The following KLHL12 variants were observed in gnomAD, a reference collection of about 807,000 sequenced individuals.
KLHL12 encodes the protein kelch-like protein 12.
A neutral mutation model predicts 60.8 loss-of-function variants in KLHL12; 17 were observed. That is an observed-to-expected ratio of 0.28 (90% CI 0.19 to 0.42). The LOEUF is 0.42. KLHL12 is among the 10% of genes least tolerant of loss of function. The pLI is 1.00. For missense variants in KLHL12, 468 were observed against 722.3 expected, an observed-to-expected ratio of 0.65 and a Z score of 4.04; for synonymous variants, 220 against 250.9, an observed-to-expected ratio of 0.88 and a Z score of 1.16.
rs1553236587 is a variant in KLHL12, at chr1:202,903,629, C to CTTTTTTCTTTTTT, written c.832+5380_832+5381insAAAAAAGAAAAAA. Among the ~76,000 whole-genome samples the CTTTTTTCTTTTTT allele has an allele frequency of 5.3e-5, 4 of 76,092 alleles. 1 individual carries two copies. Among genetic ancestry groups the CTTTTTTCTTTTTT allele is most frequent in the East Asian group, 8.7e-4 (2 of 2,298 alleles). The allele number at this position is 76,092 out of a possible 152,430, so 49.9% of individuals were successfully genotyped here. A position where few individuals can be genotyped will look rare whatever the true frequency, so the allele number is the denominator to read the frequency against. On this transcript the variant is annotated intron_variant, in intron 6 of 11. Transcript: ENST00000367261. Reference sequence around the variant, plus strand: ...CTGGGACCACTAATTTTTTTCTTTTCTTTTTTTTTTTGAAACGGCGTCTTG... The same window carrying CTTTTTTCTTTTTT: ...CTGGGACCACTAATTTTTTTCTTTTCTTTTTTCTTTTTTTTTTTTTTTTTGAAACGGCGTCTTG...
chr1:202,926,809 A>G (rs948638655), intron 1 of KLHL12, among the ~76,000 whole-genome samples: 4 of 152,190 alleles, frequency 2.6e-5, no homozygotes, highest in Non-Finnish European at 5.9e-5. Flanking sequence ...AAACTCGGGA[A>G]AGACTAAATT....
At position 202,895,457 on chromosome 1, in the gene KLHL12, A is replaced by G; in HGVS notation, c.1135+65T>C. 7.4e-7 allele frequency: 1 copy of G among 1,359,958 alleles called. No individual in the cohort carries two copies. Among genetic ancestry groups the G allele is most frequent in the East Asian group, 2.3e-5 (1 of 43,536 alleles). 84.2% of individuals were successfully genotyped at this position (1,359,958 alleles called of 1,614,324 possible). A position where few individuals can be genotyped will look rare whatever the true frequency, so the allele number is the denominator to read the frequency against. On this transcript the variant is annotated intron_variant, in intron 8 of 11. Coordinates refer to ENST00000367261, the MANE Select transcript of KLHL12 (RefSeq NM_021633.4). This position sits in a 1 kb window ranked among gnomAD's most constrained non-coding sequence, Gnocchi z 4.2. The stretch of plus-strand genomic sequence containing the variant: ...TTTCATGCTCCTGCCAGACAACAGG[A>G]GAGGTTAAAAACCCTGGTCCAGCCA...
chr1:202,926,306 C>A (rs544135222), intron 1 of KLHL12, among the ~76,000 whole-genome samples: 2 of 151,900 alleles, frequency 1.3e-5, no homozygotes, highest in South Asian at 4.2e-4. Flanking sequence ...TGAAATGATC[C>A]GGGGGGAAGG....
upstream of KLHL12, chr1:202,927,352 C>T (rs1653637133): frequency 2.4e-6 from 2 of 846,612 alleles, no homozygotes. Context: ...TACCCTAGCG[C>T]GGGGCTTCTG....
chr1:202,923,640 C>G (rs1653334539), intron 2 of KLHL12, among the ~76,000 whole-genome samples: 1 of 152,186 alleles, frequency 6.6e-6, no homozygotes, highest in African/African-American at 2.4e-5. Context: ...ACCTCTAGCA[C>G]TTACAAGCCA....
chr1:202,892,840 G>T (rs1318198750), intron 11 of KLHL12, among the ~76,000 whole-genome samples, 181 bp from the exon 12 acceptor site: 2 of 152,032 alleles, frequency 1.3e-5, no homozygotes, highest in Non-Finnish European at 2.9e-5. Context: ...AAGAAAGAAA[G>T]AAATTAGCCT....
intron 9 of KLHL12, 141 bp downstream of exon 9, chr1:202,894,450 A>T: frequency 1.1e-6 from 1 of 923,598 alleles, no homozygotes; most frequent in Non-Finnish European, 1.7e-6. Context: ...AGATAATCCC[A>T]ATTAATGGAA....
chr1:202,915,078 G>C (rs985540148), intron 4 of KLHL12: 1 of 152,096 alleles, frequency 6.6e-6, no homozygotes, highest in Non-Finnish European at 1.5e-5. Context: ...CCTCACTACA[G>C]AGAAAAATAG....
chr1:202,905,968 C>CTTTTTTTTTTTTTTTTTTTT (rs71142574), intron 6 of KLHL12, among the ~76,000 whole-genome samples: 3 of 51,670 alleles, frequency 5.8e-5, no homozygotes, highest in Non-Finnish European at 1.0e-4. Context: ...CCACACCTGG[C>CTTTTTTTTTTTTTTTTTTTT]TTTTTTTTTT....
At chr1:202,898,088 G>C (rs1659898581) in intron 6 of KLHL12, among the ~76,000 whole-genome samples, 1 of 151,752 alleles carries the variant, frequency 6.6e-6, no homozygotes, top group African/African-American at 2.4e-5. Flanking sequence ...TTGGCTTTTG[G>C]AGACAGGGTC....
At chr1:202,910,941 G>T in intron 5 of KLHL12, 113 bp downstream of exon 5, 1 of 1,224,510 alleles carries the variant, frequency 8.2e-7, no homozygotes, top group Non-Finnish European at 1.2e-6. Context: ...GGCATTCCTA[G>T]AGAGGCAAAA....
Position 202,925,340 on chromosome 1 carries a change from A to T in KLHL12, c.-45-133T>A, listed in dbSNP as rs552834244. On this transcript the variant is annotated intron_variant, in intron 1 of 11. Coordinates refer to ENST00000367261, the MANE Select transcript of KLHL12 (RefSeq NM_021633.4). ...ACATACACAAGTTGAGGGCACTCCTATGCCTGGCATCACCACCAACCACTA... is the reference window on the plus strand; with the variant it reads ...ACATACACAAGTTGAGGGCACTCCTTTGCCTGGCATCACCACCAACCACTA... The T allele has an allele frequency of 7.0e-6, 7 of 997,364 alleles. No individual in the cohort carries two copies. In the African/African-American group the frequency reaches 1.2e-4, roughly 16 times the overall value. The allele number at this position is 997,364 out of a possible 1,614,324, so 61.8% of individuals were successfully genotyped here.
chr1:202,918,595 C>T (rs535238777), intron 3 of KLHL12, among the ~76,000 whole-genome samples: 1 of 152,316 alleles, frequency 6.6e-6, no homozygotes, highest in East Asian at 1.9e-4. Flanking sequence ...GACCTTTACA[C>T]CTGTCTCTGC....
chr1:202,923,237 C>T (rs1660752524), intron 2 of KLHL12, among the ~76,000 whole-genome samples: 1 of 152,128 alleles, frequency 6.6e-6, no homozygotes, highest in Non-Finnish European at 1.5e-5. Flanking sequence ...TTCAAGCTGA[C>T]AAAAAACAGG....
intron 6 of KLHL12, among the ~76,000 whole-genome samples, chr1:202,900,280 A>G (rs1205526482): frequency 1.4e-5 from 2 of 147,804 alleles, no homozygotes; most frequent in Non-Finnish European, 3.0e-5. Context: ...ACAGTGGCTC[A>G]TGACTATAAT....
chr1:202,903,570 TC>T (rs1660082629), intron 6 of KLHL12, among the ~76,000 whole-genome samples: 1 of 145,328 alleles, frequency 6.9e-6, no homozygotes, highest in Non-Finnish European at 1.5e-5. Flanking sequence ...GGCTCAAGCA[TC>T]CTCCTAGCCT....
intron 6 of KLHL12, among the ~76,000 whole-genome samples, chr1:202,908,331 G>A (rs1660257715): frequency 6.6e-6 from 1 of 152,088 alleles, no homozygotes; most frequent in Non-Finnish European, 1.5e-5. Flanking sequence ...TTTGAACCTA[G>A]GTCTATTTGC....
intron 6 of KLHL12, among the ~76,000 whole-genome samples, chr1:202,903,629 C>CTTTTTCTTTTTTT (rs1660088423): frequency 1.2e-4 from 9 of 76,086 alleles, no homozygotes; most frequent in African/African-American, 4.0e-4. Flanking sequence ...TTTTTCTTTT[C>CTTTTTCTTTTTTT]TTTTTTTTTT....
At chr1:202,914,188 T>A (rs955683689) in intron 4 of KLHL12, among the ~76,000 whole-genome samples, 1 of 152,216 alleles carries the variant, frequency 6.6e-6, no homozygotes, top group Non-Finnish European at 1.5e-5. Context: ...AGCAGGCTAG[T>A]GATATGATCA....
Sources: allele counts gnomAD v4.1 joint callset (sites outside exome capture counted in the v4.1 genomes callset), GRCh38; gene constraint gnomAD v4.1.1; non-coding constraint Gnocchi (gnomAD v3.1); transcripts MANE v1.5; gene names NCBI Gene and HGNC (gene_info 2026-07-23, HGNC 2026-07-21).